Variants in ASAP1 observed in about 807,000 individuals in gnomAD.
The protein encoded by ASAP1 is ArfGAP with SH3 domain, ankyrin repeat and PH domain 1.
ASAP1 carries 43 observed loss-of-function variants against 145.2 expected under a neutral mutation model. The ratio of observed to expected loss-of-function variants is 0.30; its 90% confidence interval spans 0.23 to 0.38. ASAP1 has a LOEUF of 0.38. Among genes scored for constraint, ASAP1 ranks in the 10% least tolerant of loss-of-function variants. The pLI is 1.00. For missense variants in ASAP1, 1,018 were observed against 1,355.3 expected, an observed-to-expected ratio of 0.75 and a Z score of 3.91; for synonymous variants, 546 against 515.5, an observed-to-expected ratio of 1.06 and a Z score of -0.80.
chr8:130,296,989 C>T (rs578120790), intron 3 of ASAP1, among the ~76,000 whole-genome samples: 105 of 152,152 alleles, frequency 6.9e-4, no homozygotes, highest in Non-Finnish European at 1.3e-3. Context: ...ATTAGAAGGG[C>T]AGAGACAAAG....
chr8:130,118,449 C>T (rs780098756), intron 19 of ASAP1, 40 bp downstream of exon 19: 2 of 1,565,432 alleles, frequency 1.3e-6, no homozygotes, highest in South Asian at 1.2e-5. Flanking sequence ...AACTGATTTT[C>T]CACATTACTT....
chr8:130,160,755 A>G, intron 11 of ASAP1: 2 of 1,258,502 alleles, frequency 1.6e-6, no homozygotes, highest in Non-Finnish European at 2.1e-6. Context: ...CAAGTAGGAC[A>G]ATATATTCTC....
intron 5 of ASAP1, among the ~76,000 whole-genome samples, chr8:130,192,507 C>A (rs1411824899): frequency 6.6e-6 from 1 of 152,096 alleles, no homozygotes; most frequent in Non-Finnish European, 1.5e-5. Flanking sequence ...TGCTCTGAGT[C>A]CTCAATTTCA....
At chr8:130,320,834 G>C (rs1823958999) in intron 3 of ASAP1, among the ~76,000 whole-genome samples, 2 of 152,130 alleles carry the variant, frequency 1.3e-5, no homozygotes, top group African/African-American at 2.4e-5. Flanking sequence ...CCACTGATCA[G>C]ATCAGTAGAC....
At chr8:130,318,328 T>C (rs747624255) in intron 3 of ASAP1, among the ~76,000 whole-genome samples, 1 of 152,162 alleles carries the variant, frequency 6.6e-6, no homozygotes, top group African/African-American at 2.4e-5. Flanking sequence ...GTGATCCTCC[T>C]GCCTTGGCCT....
chr8:130,365,890 G>A (rs533326377), intron 2 of ASAP1, among the ~76,000 whole-genome samples: 3 of 152,328 alleles, frequency 2.0e-5, no homozygotes, highest in African/African-American at 7.2e-5. Context: ...AGATCCAGAA[G>A]AGAGTAAGAT....
At chr8:130,417,890 T>C (rs763781816) in intron 1 of ASAP1, among the ~76,000 whole-genome samples, 20 of 152,208 alleles carry the variant, frequency 1.3e-4, no homozygotes, top group Non-Finnish European at 2.1e-4. Flanking sequence ...GTGGTTCTAA[T>C]AAAAGTCTCA....
chr8:130,202,931 G>A (rs1013169694), intron 5 of ASAP1, among the ~76,000 whole-genome samples: 2 of 152,080 alleles, frequency 1.3e-5, no homozygotes, highest in South Asian at 2.1e-4. Context: ...CTGCATCAGC[G>A]GGCCATTTCT....
At chr8:130,292,887 G>A (rs897443477) in intron 3 of ASAP1, among the ~76,000 whole-genome samples, 1 of 152,176 alleles carries the variant, frequency 6.6e-6, no homozygotes, top group East Asian at 1.9e-4. Flanking sequence ...AGACTGTTCT[G>A]TGAACAGAGA....
At chr8:130,248,133 T>C in intron 3 of ASAP1, among the ~76,000 whole-genome samples, 1 of 152,100 alleles carries the variant, frequency 6.6e-6, no homozygotes, top group East Asian at 1.9e-4. Context: ...AGAGGAATAG[T>C]TTATCTACCT....
chr8:130,220,386 A>G (rs1051344567), intron 4 of ASAP1, among the ~76,000 whole-genome samples: 1 of 152,240 alleles, frequency 6.6e-6, no homozygotes, highest in Non-Finnish European at 1.5e-5. Context: ...TCTTACTAAC[A>G]GTCCATGAGA....
rs969137360 is a variant in ASAP1, at chr8:130,215,745, A to AAACAAC, written c.260-1050_260-1045dup. On this transcript the variant is annotated intron_variant, in intron 4 of 29. Coordinates refer to ENST00000518721, the MANE Select transcript of ASAP1 (RefSeq NM_018482.4). ...AGCAACAGAGTGAGACTCTGTCTCA[A>AAACAAC]AACAACAACAACAACAACAACAAAA... 4.6e-5 allele frequency among the ~76,000 whole-genome samples: 7 copies of AAACAAC among 151,770 alleles called. No individual in the cohort carries two copies. The East Asian group carries it at 7.7e-4, about 17-fold the overall frequency.
At chr8:130,160,906 G>A (rs2097667781) in intron 11 of ASAP1, 5 of 727,120 alleles carry the variant, frequency 6.9e-6, no homozygotes, top group South Asian at 4.9e-5. Context: ...AATGTACACA[G>A]AAAATATCAC....
Position 130,292,641 on chromosome 8 carries a change from T to A in ASAP1, c.187-55647A>T, listed in dbSNP as rs572990260. 2.6e-5 allele frequency among the ~76,000 whole-genome samples: 4 copies of A among 152,332 alleles called. No individual in the cohort carries two copies. In the South Asian group the frequency reaches 6.2e-4, roughly 24 times the overall value. ...TATTCTCTACTATAATTGTCTCACG[T>A]TCCCTGTTGTGCACCTACACAAATG... On this transcript the variant is annotated intron_variant, in intron 3 of 29. Coordinates refer to ENST00000518721, the MANE Select transcript of ASAP1 (RefSeq NM_018482.4).
At chr8:130,339,203 C>T (rs1825223922) in intron 3 of ASAP1, among the ~76,000 whole-genome samples, 1 of 152,196 alleles carries the variant, frequency 6.6e-6, no homozygotes, top group South Asian at 2.1e-4. Flanking sequence ...CCAGTAGCCA[C>T]CCACCCTCTC....
intron 6 of ASAP1, 95 bp downstream of exon 6, chr8:130,188,014 G>A (rs1294482339): frequency 3.4e-6 from 3 of 875,096 alleles, no homozygotes; most frequent in African/African-American, 3.4e-5. Context: ...TGTTCAAAGA[G>A]TCTTTCAAAT....
intron 1 of ASAP1, among the ~76,000 whole-genome samples, chr8:130,420,754 C>T (rs1412661822): frequency 1.3e-5 from 2 of 151,868 alleles, no homozygotes; most frequent in South Asian, 2.1e-4. Flanking sequence ...ATTAGCCAGG[C>T]GTAGTGGTGC....
chr8:130,431,160 C>A (rs1218498322), intron 1 of ASAP1, among the ~76,000 whole-genome samples: 3 of 152,152 alleles, frequency 2.0e-5, no homozygotes, highest in Non-Finnish European at 1.5e-5. Context: ...CCCATGCCAG[C>A]CAATCCTACT....
intron 3 of ASAP1, among the ~76,000 whole-genome samples, chr8:130,308,122 A>G (rs558156686): frequency 5.3e-5 from 8 of 152,370 alleles, no homozygotes; most frequent in African/African-American, 1.7e-4. Flanking sequence ...TTAAATGCAC[A>G]TAACTATCCA....
Sources: gnomAD v4.1 joint callset for allele counts (sites outside exome capture counted in the v4.1 genomes callset) on GRCh38, gnomAD v4.1.1 for gene constraint, MANE v1.5 for transcripts, NCBI Gene and HGNC (gene_info 2026-07-23, HGNC 2026-07-21) for gene names.